The following NCALD variants were observed in gnomAD, a reference collection of about 807,000 sequenced individuals.
NCALD encodes neurocalcin delta.
A neutral mutation model predicts 18.6 loss-of-function variants in NCALD; 10 were observed. The observed-to-expected ratio is 0.54, with a 90% CI of 0.33 to 0.91. NCALD has a LOEUF of 0.91. Ranked by LOEUF, NCALD falls within the 40% of genes least tolerant of loss-of-function variation. The pLI, the probability that NCALD is intolerant of heterozygous loss-of-function variation, is 0.03. For missense variants in NCALD, 184 were observed against 247.6 expected (o/e 0.74, Z 1.72); for synonymous variants, 88 against 87.4 (o/e 1.01, Z -0.04).
intron 3 of NCALD, among the ~76,000 whole-genome samples, chr8:101,893,625 C>G (rs13255167): frequency 1.6e-5 from 2 of 121,380 alleles, no homozygotes; most frequent in African/African-American, 3.7e-5. Flanking sequence ...ACCCATCTCA[C>G]GTGCAGAGAC....
intron 1 of NCALD, among the ~76,000 whole-genome samples, chr8:101,722,510 A>G (rs758168803): frequency 6.6e-6 from 1 of 152,190 alleles, no homozygotes; most frequent in African/African-American, 2.4e-5. Context: ...TCAAATCACC[A>G]TTTTTACAGT....
At chr8:101,981,317 T>C (rs1820611991) in intron 2 of NCALD, among the ~76,000 whole-genome samples, 1 of 152,240 alleles carries the variant, frequency 6.6e-6, no homozygotes, top group South Asian at 2.1e-4. Flanking sequence ...GATTATTTCA[T>C]TTCCTGATTA....
At chr8:101,916,498 G>A (rs1345316062) in intron 2 of NCALD, among the ~76,000 whole-genome samples, 7 of 152,104 alleles carry the variant, frequency 4.6e-5, no homozygotes, top group African/African-American at 1.7e-4. Flanking sequence ...AACAACTTAT[G>A]ATAGGATCAA....
intron 1 of NCALD, among the ~76,000 whole-genome samples, chr8:102,103,607 G>C (rs1242792603): frequency 6.6e-6 from 1 of 151,952 alleles, no homozygotes; most frequent in African/African-American, 2.4e-5. Context: ...CAGCCTGGAG[G>C]GTGGTGGTGC....
intron 1 of NCALD, among the ~76,000 whole-genome samples, chr8:101,727,020 A>G (rs764176327): frequency 1.3e-5 from 2 of 152,194 alleles, no homozygotes; most frequent in African/African-American, 4.8e-5. Context: ...AGCTAAAACC[A>G]TGCCCTCTTC....
intron 4 of NCALD, among the ~76,000 whole-genome samples, chr8:101,858,794 A>G (rs1351476293): frequency 6.6e-6 from 1 of 152,214 alleles, no homozygotes; most frequent in African/African-American, 2.4e-5. Flanking sequence ...CACAGCTTCC[A>G]GCGAGCTTGT....
upstream of NCALD, among the ~76,000 whole-genome samples, chr8:101,795,091 TTA>T (rs948279399): frequency 6.6e-6 from 1 of 152,244 alleles, no homozygotes; most frequent in Non-Finnish European, 1.5e-5. Flanking sequence ...GCCTAAATTA[TTA>T]TAGTCTTAGC....
chr8:102,092,145 A>C (rs148281544), intron 1 of NCALD, among the ~76,000 whole-genome samples: 3 of 152,192 alleles, frequency 2.0e-5, no homozygotes, highest in Non-Finnish European at 4.4e-5. Flanking sequence ...CAAAACCAAG[A>C]TGGTGATGAC....
chr8:102,090,884 G>A (rs114983000), intron 1 of NCALD, among the ~76,000 whole-genome samples: 13,533 of 152,176 alleles, frequency 0.089, 1,604 homozygotes, highest in African/African-American at 0.27. Flanking sequence ...CTGGAATGGC[G>A]TGCTTTCCTT....
At chr8:102,015,034 G>T (rs1822034475) in intron 2 of NCALD, among the ~76,000 whole-genome samples, 1 of 152,078 alleles carries the variant, frequency 6.6e-6, no homozygotes, top group South Asian at 2.1e-4. Flanking sequence ...GAAAGTTGAG[G>T]TGATGCTCCC....
chr8:101,982,473 G>T (rs1387181346), intron 2 of NCALD, among the ~76,000 whole-genome samples: 1 of 152,118 alleles, frequency 6.6e-6, no homozygotes, highest in Non-Finnish European at 1.5e-5. Flanking sequence ...TATGTTGAAA[G>T]CCACTGTGCA....
Position 101,892,805 on chromosome 8 carries a change from T to A in NCALD, c.-106-5578A>T, listed in dbSNP as rs192054995. Among the ~76,000 whole-genome samples the A allele has an allele frequency of 1.6e-4, 24 of 148,742 alleles. No individual in the cohort carries two copies. In the East Asian group the frequency reaches 4.7e-3, roughly 29 times the overall value. ...GAATGGAATGAAGCGAGAAGGGAAG[T>A]TTAGAGAAAAAAGAATACAAAGAAA... On this transcript the variant is annotated intron_variant, in intron 3 of 6. Coordinates refer to the NCALD transcript ENST00000311028.
intron 1 of NCALD, among the ~76,000 whole-genome samples, chr8:101,784,282 G>A (rs1812132688): frequency 6.6e-6 from 1 of 152,030 alleles, no homozygotes. Context: ...CTCTCTATGT[G>A]GTCTGGGTTT....
chr8:101,999,801 G>GA (rs1563526090), intron 2 of NCALD, among the ~76,000 whole-genome samples: 1 of 151,484 alleles, frequency 6.6e-6, no homozygotes, highest in Non-Finnish European at 1.5e-5. Flanking sequence ...AAAAAAAATC[G>GA]AAAAACATTT....
intron 3 of NCALD, among the ~76,000 whole-genome samples, chr8:101,899,486 T>G (rs1817337284): frequency 1.3e-5 from 2 of 152,014 alleles, no homozygotes; most frequent in African/African-American, 4.8e-5. Flanking sequence ...AAGAATTCAA[T>G]CTTTTACTAT....
intron 4 of NCALD, among the ~76,000 whole-genome samples, chr8:101,861,358 G>T (rs571199324): frequency 1.3e-5 from 2 of 151,984 alleles, no homozygotes; most frequent in East Asian, 3.9e-4. Context: ...AGTCAGTGGC[G>T]TTTCTCAGCT....
intron 1 of NCALD, among the ~76,000 whole-genome samples, chr8:102,114,194 T>G (rs893453920): frequency 6.6e-6 from 1 of 152,226 alleles, no homozygotes; most frequent in African/African-American, 2.4e-5. Context: ...TGTCTAGCTC[T>G]CAAACATACG....
intron 1 of NCALD, among the ~76,000 whole-genome samples, chr8:102,086,561 C>G (rs1824743677): frequency 6.6e-6 from 1 of 152,210 alleles, no homozygotes; most frequent in South Asian, 2.1e-4. Flanking sequence ...TCACTATCAT[C>G]TCTTGCCTGG....
intron 1 of NCALD, among the ~76,000 whole-genome samples, chr8:102,084,017 A>G (rs658382): frequency 0.99 from 151,517 of 152,364 alleles, 75,356 homozygotes; most frequent in Middle Eastern, 1. Context: ...TGCTGTGAGG[A>G]TTAAATGAAT....
Sources: allele counts gnomAD v4.1 joint callset (sites outside exome capture counted in the v4.1 genomes callset), GRCh38; gene constraint gnomAD v4.1.1; transcripts MANE v1.5; gene names NCBI Gene and HGNC (gene_info 2026-07-23, HGNC 2026-07-21).